Variants in FILIP1L observed in about 807,000 individuals in gnomAD.
The protein encoded by FILIP1L is filamin A-interacting protein 1-like.
In FILIP1L, 55 loss-of-function variants were observed where a neutral mutation model predicts 96.6. That is an observed-to-expected ratio of 0.57 (90% CI 0.46 to 0.71). The LOEUF (loss-of-function observed/expected upper bound fraction) is 0.71. Ranked by LOEUF, FILIP1L falls within the 30% of genes least tolerant of loss-of-function variation. The pLI is 0.00. For missense variants in FILIP1L, 1,304 were observed against 1,321.2 expected, an observed-to-expected ratio of 0.99 and a Z score of 0.20; for synonymous variants, 467 against 473.9, an observed-to-expected ratio of 0.99 and a Z score of 0.19.
chr3:100,100,826 G>C (rs574513685), intron 1 of FILIP1L, among the ~76,000 whole-genome samples: 4 of 152,186 alleles, frequency 2.6e-5, no homozygotes, highest in Admixed American at 6.5e-5. Flanking sequence ...TGTGGAGAAG[G>C]TGTCCTGGTG....
At chr3:99,930,636 A>T (rs1707447806) in intron 2 of FILIP1L, 133 bp downstream of exon 2, 1 of 910,960 alleles carries the variant, frequency 1.1e-6, no homozygotes, top group East Asian at 2.6e-5. Context: ...TTCTTTGTAT[A>T]TATACTTATG....
intron 5 of FILIP1L, among the ~76,000 whole-genome samples, chr3:99,832,668 C>A (rs1443437433): frequency 6.8e-6 from 1 of 147,624 alleles, no homozygotes; most frequent in Non-Finnish European, 1.5e-5. Flanking sequence ...CACGGTGAAA[C>A]CCTGTCTCTA....
At chr3:99,909,504 G>C (rs926309293) in intron 4 of FILIP1L, among the ~76,000 whole-genome samples, 2 of 152,108 alleles carry the variant, frequency 1.3e-5, no homozygotes, top group South Asian at 2.1e-4. Flanking sequence ...ATAATGAAAA[G>C]TCAAATTTTC....
intron 1 of FILIP1L, among the ~76,000 whole-genome samples, chr3:100,004,158 G>C (rs1709923042): frequency 6.6e-6 from 1 of 152,072 alleles, no homozygotes; most frequent in Non-Finnish European, 1.5e-5. Flanking sequence ...AGGTAATTTT[G>C]ACATAAATTG....
chr3:100,110,400 T>TTTGC (rs1462916358), intron 1 of FILIP1L, among the ~76,000 whole-genome samples: 3 of 152,098 alleles, frequency 2.0e-5, no homozygotes, highest in African/African-American at 7.2e-5. Context: ...AGAAGCAGCT[T>TTTGC]TATCCCGTTT....
intron 4 of FILIP1L, among the ~76,000 whole-genome samples, chr3:99,862,109 G>A (rs1944291469): frequency 6.6e-6 from 1 of 152,200 alleles, no homozygotes; most frequent in South Asian, 2.1e-4. Flanking sequence ...TGATAAGTAT[G>A]TAAGGTAACA....
At chr3:99,926,564 T>C (rs1193421426) in intron 3 of FILIP1L, among the ~76,000 whole-genome samples, 1 of 152,232 alleles carries the variant, frequency 6.6e-6, no homozygotes, top group African/African-American at 2.4e-5. Flanking sequence ...AGGGAAGTTA[T>C]TAGTTGACTT....
chr3:99,900,778 G>T (rs1373724600), intron 4 of FILIP1L, among the ~76,000 whole-genome samples: 1 of 152,210 alleles, frequency 6.6e-6, no homozygotes, highest in Non-Finnish European at 1.5e-5. Flanking sequence ...CACAGTTGCT[G>T]TTTCAGCCTC....
intron 1 of FILIP1L, among the ~76,000 whole-genome samples, chr3:100,048,398 G>A (rs1237882381): frequency 6.6e-6 from 1 of 152,146 alleles, no homozygotes. Flanking sequence ...CATTTGCTTG[G>A]GGTGAGTTGG....
At chr3:100,103,765 A>G (rs1162691841) in intron 1 of FILIP1L, among the ~76,000 whole-genome samples, 2 of 152,224 alleles carry the variant, frequency 1.3e-5, no homozygotes, top group Non-Finnish European at 2.9e-5. Context: ...CTGGCCTTGC[A>G]ATAAACATGT....
At position 99,891,028 on chromosome 3, in the gene FILIP1L, A is replaced by T. The variant is rs541152932; in HGVS notation, c.605+33202T>A. ...TTTAAACTGAATTTTTTGACCTAGG[A>T]TCTTTGGGATTTTTTTCTTTTGTTT... is the stretch of plus-strand genomic sequence containing the variant. On this transcript the variant is annotated intron_variant, in intron 4 of 5. Coordinates refer to ENST00000477258, the MANE Select transcript of FILIP1L (RefSeq NM_001387850.1). Among the ~76,000 whole-genome samples the T allele has an allele frequency of 4.0e-5, 6 of 151,224 alleles. No individual in the cohort carries two copies. In the South Asian group the frequency reaches 8.4e-4, roughly 21 times the overall value.
intron 1 of FILIP1L, among the ~76,000 whole-genome samples, chr3:100,092,247 T>C (rs545611851): frequency 7.3e-4 from 111 of 152,246 alleles, no homozygotes; most frequent in Middle Eastern, 3.4e-3. Context: ...TAAGAATTGA[T>C]TGTGATTGGA....
chr3:99,981,475 C>CACAATGATACATGATAAATGAT (rs1294015927), intron 1 of FILIP1L, among the ~76,000 whole-genome samples: 3 of 152,140 alleles, frequency 2.0e-5, no homozygotes, highest in Admixed American at 6.5e-5. Flanking sequence ...TCCTAGCACT[C>CACAATGATACATGATAAATGAT]ACAATGATAC....
intron 1 of FILIP1L, among the ~76,000 whole-genome samples, chr3:100,065,706 G>C (rs1489949190): frequency 6.6e-6 from 1 of 152,130 alleles, no homozygotes; most frequent in Non-Finnish European, 1.5e-5. Context: ...TCCTTGCTAT[G>C]TCATCACCAC....
chr3:99,962,298 G>A (rs974003398), intron 1 of FILIP1L, among the ~76,000 whole-genome samples: 8 of 152,148 alleles, frequency 5.3e-5, no homozygotes, highest in Admixed American at 3.3e-4. Flanking sequence ...AGATGAGGTC[G>A]CATGTGATGG....
chr3:100,035,275 T>TATC (rs1576659160), intron 1 of FILIP1L, among the ~76,000 whole-genome samples: 1 of 152,096 alleles, frequency 6.6e-6, no homozygotes, highest in South Asian at 2.1e-4. Flanking sequence ...AAATTATTAG[T>TATC]ATTATTATTA....
At chr3:99,876,006 G>C (rs1475206933) in intron 4 of FILIP1L, 1 of 970,396 alleles carries the variant, frequency 1.0e-6, no homozygotes, top group Non-Finnish European at 1.2e-6. Context: ...GCCACCCACA[G>C]ACTTGCTACC....
At chr3:100,032,782 G>A (rs887132939) in intron 1 of FILIP1L, among the ~76,000 whole-genome samples, 2 of 152,158 alleles carry the variant, frequency 1.3e-5, no homozygotes, top group South Asian at 2.1e-4. Context: ...TGGTAATGCA[G>A]TTGTGTGTAA....
Position 99,924,287 on chromosome 3 carries a change from T to G in FILIP1L, c.548A>C (p.Lys183Thr). The G allele has an allele frequency of 6.2e-7, 1 of 1,614,122 alleles. No individual in the cohort carries two copies. Among genetic ancestry groups the G allele is most frequent in the Non-Finnish European group, 8.5e-7 (1 of 1,179,996 alleles). ...TTCATCACTCTTCTCCATGTATTCT[T>G]TATGTTTTCTCTTTTCTTCCTCCAA... ...LELEEEKRKH[K>T]EYMEKSDEFI... Residue 183 changes from lysine to threonine, a missense_variant, in exon 4 of 6, where the codon AAA becomes ACA. By Grantham distance (78) the Lys-to-Thr change is moderately conservative (BLOSUM62 -1). Coordinates refer to ENST00000477258, the MANE Select transcript of FILIP1L (RefSeq NM_001387850.1).
Sources: gnomAD v4.1 joint callset for allele counts (sites outside exome capture counted in the v4.1 genomes callset) on GRCh38, gnomAD v4.1.1 for gene constraint, MANE v1.5 for transcripts, NCBI Gene and HGNC (gene_info 2026-07-23, HGNC 2026-07-21) for gene names.